The following LDAH variants were observed in gnomAD, a reference collection of about 807,000 sequenced individuals.
LDAH encodes lipid droplet associated hydrolase.
A neutral mutation model predicts 29.6 loss-of-function variants in LDAH; 26 were observed. The ratio of observed to expected loss-of-function variants is 0.88; its 90% CI spans 0.64 to 1.22. The LOEUF (loss-of-function observed/expected upper bound fraction) is 1.22. Ranked by LOEUF, LDAH falls within the 50% of genes most tolerant of loss-of-function variation. The probability of loss-of-function intolerance (pLI) is 0.00; values close to 1 mark genes in which losing one functional copy is unlikely to be tolerated. For synonymous variants in LDAH, 117 were observed against 133.0 expected (o/e 0.88, Z 0.83); for missense variants, 344 against 387.3 (o/e 0.89, Z 0.94).
At chr2:20,771,968 A>C (rs1392921130) in intron 4 of LDAH, among the ~76,000 whole-genome samples, 1 of 152,202 alleles carries the variant, frequency 6.6e-6, no homozygotes, top group African/African-American at 2.4e-5. Flanking sequence ...TTTCACCACT[A>C]TTCCTGCAAA....
At chr2:20,721,570 A>G (rs180795074) in intron 5 of LDAH, among the ~76,000 whole-genome samples, 5 of 152,294 alleles carry the variant, frequency 3.3e-5, no homozygotes, top group African/African-American at 9.6e-5. Context: ...CAAACAAAAA[A>G]AAAACCCCAC....
At chr2:20,710,865 A>T (rs1161576300) in intron 5 of LDAH, among the ~76,000 whole-genome samples, 2 of 151,660 alleles carry the variant, frequency 1.3e-5, no homozygotes, top group Non-Finnish European at 2.9e-5. Flanking sequence ...CAAATATTTG[A>T]CCCTGTGAAT....
At chr2:20,818,456 T>G (rs1418863153) in intron 1 of LDAH, among the ~76,000 whole-genome samples, 1 of 152,166 alleles carries the variant, frequency 6.6e-6, no homozygotes, top group Non-Finnish European at 1.5e-5. Flanking sequence ...TTTACGCTTC[T>G]GCTGTAACTA....
intron 1 of LDAH, among the ~76,000 whole-genome samples, chr2:20,806,385 C>G (rs1225175612): frequency 6.6e-6 from 1 of 152,096 alleles, no homozygotes; most frequent in East Asian, 1.9e-4. Flanking sequence ...TGTGTCTGAA[C>G]CTTCATTAGT....
At chr2:20,695,949 C>T (rs1340024378) in intron 6 of LDAH, among the ~76,000 whole-genome samples, 1 of 152,144 alleles carries the variant, frequency 6.6e-6, no homozygotes, top group Non-Finnish European at 1.5e-5. Flanking sequence ...CCCAGCTCTC[C>T]AGCACGTTTG....
chr2:20,692,772 T>C (rs1450169325), intron 6 of LDAH, among the ~76,000 whole-genome samples: 1 of 152,064 alleles, frequency 6.6e-6, no homozygotes, highest in African/African-American at 2.4e-5. Context: ...ACAGACTACT[T>C]TGGGTAGTCA....
intron 1 of LDAH, among the ~76,000 whole-genome samples, chr2:20,813,689 G>T (rs573306606): frequency 2.6e-5 from 4 of 152,180 alleles, no homozygotes; most frequent in Non-Finnish European, 2.9e-5. Flanking sequence ...TTCTTTTAGC[G>T]ATGTAGAATG....
At chr2:20,795,034 G>A (rs941397176) in intron 2 of LDAH, among the ~76,000 whole-genome samples, 2 of 152,138 alleles carry the variant, frequency 1.3e-5, no homozygotes, top group Non-Finnish European at 2.9e-5. Context: ...ACACACACAC[G>A]GAGGGGTATG....
intron 2 of LDAH, among the ~76,000 whole-genome samples, chr2:20,794,229 C>T (rs1157322160): frequency 6.6e-6 from 1 of 152,144 alleles, no homozygotes; most frequent in Non-Finnish European, 1.5e-5. Flanking sequence ...TATTCACTAT[C>T]ACAAGAACAG....
intron 6 of LDAH, among the ~76,000 whole-genome samples, chr2:20,690,682 G>A (rs553582647): frequency 6.6e-6 from 1 of 152,250 alleles, no homozygotes; most frequent in South Asian, 2.1e-4. Context: ...GGAGTGTGTG[G>A]TGGCACTGGC....
chr2:20,704,981 T>C (rs1664204624), intron 5 of LDAH, among the ~76,000 whole-genome samples: 1 of 152,254 alleles, frequency 6.6e-6, no homozygotes, highest in Non-Finnish European at 1.5e-5. Context: ...ATCCTTGGAC[T>C]TCCCTTTGCC....
chr2:20,693,036 C>T (rs1663153460), intron 6 of LDAH, among the ~76,000 whole-genome samples: 1 of 152,104 alleles, frequency 6.6e-6, no homozygotes, highest in Admixed American at 6.5e-5. Flanking sequence ...TCCACCTGGA[C>T]TGGAATCTTG....
At chr2:20,738,028 C>T (rs573991255) in intron 5 of LDAH, among the ~76,000 whole-genome samples, 15 of 151,616 alleles carry the variant, frequency 9.9e-5, no homozygotes, top group African/African-American at 3.1e-4. Flanking sequence ...CTGAGGCGGG[C>T]GGATCACGAG....
chr2:20,710,570 C>CTA (rs890356689), intron 5 of LDAH, among the ~76,000 whole-genome samples: 9 of 140,514 alleles, frequency 6.4e-5, no homozygotes, highest in South Asian at 2.2e-4. Flanking sequence ...TCACCCCGGA[C>CTA]TATATATATA....
At chr2:20,744,626 C>G (rs2124857792) in intron 4 of LDAH, among the ~76,000 whole-genome samples, 1 of 152,242 alleles carries the variant, frequency 6.6e-6, no homozygotes, top group Admixed American at 6.5e-5. Flanking sequence ...GGGGGCAGAC[C>G]TTGTTAAGAA....
In LDAH at chr2:20,758,736, A is replaced by T. The variant is rs540288465; in HGVS notation, c.468+16074T>A. ...ATGATTTTCCAGAAGAACAGGAGGC[A>T]TCAGTTAGATGGTGTGGGACAAAGC... On this transcript the variant is annotated intron_variant, in intron 4 of 6. Transcript: ENST00000237822. 2.0e-5 allele frequency among the ~76,000 whole-genome samples: 3 copies of T among 152,336 alleles called. No individual in the cohort carries two copies. The South Asian group carries it at 6.2e-4, about 32-fold the overall frequency.
At chr2:20,730,934 T>A (rs1194445039) in intron 5 of LDAH, among the ~76,000 whole-genome samples, 5 of 152,240 alleles carry the variant, frequency 3.3e-5, no homozygotes, top group African/African-American at 4.8e-5. Flanking sequence ...CACAAAGTTT[T>A]GATTACTGTA....
At chr2:20,717,964 A>T (rs958999625) in intron 5 of LDAH, among the ~76,000 whole-genome samples, 10 of 152,210 alleles carry the variant, frequency 6.6e-5, no homozygotes, top group Non-Finnish European at 1.5e-4. Context: ...GTTATAGGTA[A>T]CTTCTTATAA....
intron 3 of LDAH, among the ~76,000 whole-genome samples, chr2:20,778,971 T>TA (rs1201429049): frequency 6.6e-6 from 1 of 151,802 alleles, no homozygotes; most frequent in Non-Finnish European, 1.5e-5. Flanking sequence ...AATGTATAAG[T>TA]TCAACTATTT....
Sources: allele counts gnomAD v4.1 joint callset (sites outside exome capture counted in the v4.1 genomes callset), GRCh38; gene constraint gnomAD v4.1.1; transcripts MANE v1.5; gene names NCBI Gene and HGNC (gene_info 2026-07-23, HGNC 2026-07-21).